Variants in CAMKMT observed in about 807,000 individuals in gnomAD.
The protein encoded by CAMKMT is calmodulin-lysine N-methyltransferase, also known as CaM KMT.
CAMKMT carries 53 observed loss-of-function variants against 48.0 expected under a neutral mutation model. The ratio of observed to expected loss-of-function variants is 1.10; its 90% CI spans 0.89 to 1.39. The LOEUF (loss-of-function observed/expected upper bound fraction) is 1.39, where lower values mean the gene tolerates loss of function less well. Among genes scored for constraint, CAMKMT ranks in the 40% most tolerant of loss-of-function variants. The pLI is 0.00. For synonymous variants in CAMKMT, 165 were observed against 152.3 expected (o/e 1.08, Z -0.61); for missense variants, 428 against 402.7 (o/e 1.06, Z -0.54).
intron 3 of CAMKMT, chr2:44,395,010 A>G (rs1204307349): frequency 2.2e-6 from 1 of 447,340 alleles, no homozygotes; most frequent in South Asian, 1.6e-5. Flanking sequence ...AAGACAATCA[A>G]ATATTTATCT....
chr2:44,670,029 A>G (rs117806827), intron 3 of CAMKMT, among the ~76,000 whole-genome samples: 3 of 152,058 alleles, frequency 2.0e-5, no homozygotes, highest in African/African-American at 4.8e-5. Context: ...TGAAATGCCT[A>G]TTTGTATTTT....
intron 3 of CAMKMT, among the ~76,000 whole-genome samples, chr2:44,568,463 T>A (rs771778938): frequency 1.1e-4 from 17 of 152,274 alleles, no homozygotes; most frequent in Non-Finnish European, 2.2e-4. Flanking sequence ...TCAGCAAACA[T>A]CATGTCCATG....
intron 3 of CAMKMT, among the ~76,000 whole-genome samples, chr2:44,409,833 C>T (rs950322897): frequency 6.6e-6 from 1 of 152,016 alleles, no homozygotes; most frequent in Non-Finnish European, 1.5e-5. Context: ...AGGACTGTGT[C>T]GTTTGTTCAT....
At chr2:44,727,981 G>A (rs1678880468) in intron 7 of CAMKMT, among the ~76,000 whole-genome samples, 1 of 152,184 alleles carries the variant, frequency 6.6e-6, no homozygotes, top group African/African-American at 2.4e-5. Flanking sequence ...GGAGTGCAGT[G>A]GTGTGACCAT....
chr2:44,719,431 A>G (rs1264971190), intron 7 of CAMKMT, among the ~76,000 whole-genome samples: 2 of 152,214 alleles, frequency 1.3e-5, no homozygotes, highest in East Asian at 3.8e-4. Context: ...GTCCTATTCT[A>G]GATGCTAGAG....
chr2:44,745,215 A>G (rs1351239103), intron 8 of CAMKMT, among the ~76,000 whole-genome samples: 1 of 152,204 alleles, frequency 6.6e-6, no homozygotes, highest in Non-Finnish European at 1.5e-5. Flanking sequence ...GGCTCTGATT[A>G]TATGGGGAAG....
chr2:44,514,821 A>G (rs1670755464), intron 3 of CAMKMT, among the ~76,000 whole-genome samples: 1 of 152,224 alleles, frequency 6.6e-6, no homozygotes, highest in South Asian at 2.1e-4. Context: ...TCGTGCCTAG[A>G]TTCTTCCCCA....
intron 3 of CAMKMT, among the ~76,000 whole-genome samples, chr2:44,472,460 A>T (rs1319767383): frequency 1.3e-5 from 2 of 152,226 alleles, no homozygotes; most frequent in African/African-American, 4.8e-5. Context: ...GCTCAATCTA[A>T]TAACTTGTCT....
intron 3 of CAMKMT, among the ~76,000 whole-genome samples, chr2:44,394,230 A>G (rs989066430): frequency 1.3e-5 from 2 of 152,174 alleles, no homozygotes; most frequent in South Asian, 2.1e-4. Context: ...GTTGCAGCTT[A>G]AGTCTGGGGG....
At chr2:44,762,621 G>A (rs1249036925) in intron 9 of CAMKMT, among the ~76,000 whole-genome samples, 3 of 152,116 alleles carry the variant, frequency 2.0e-5, no homozygotes, top group Non-Finnish European at 2.9e-5. Context: ...AAACCTGCAC[G>A]TTGTGCCACA....
At chr2:44,522,294 C>A (rs1478368192) in intron 3 of CAMKMT, among the ~76,000 whole-genome samples, 1 of 152,090 alleles carries the variant, frequency 6.6e-6, no homozygotes, top group Non-Finnish European at 1.5e-5. Flanking sequence ...CATGAGCCAC[C>A]GAGCCCGGCC....
chr2:44,598,419 G>A (rs1349452153), intron 3 of CAMKMT, among the ~76,000 whole-genome samples: 1 of 151,822 alleles, frequency 6.6e-6, no homozygotes, highest in African/African-American at 2.4e-5. Context: ...CAGTTTTCTC[G>A]TGGAATTGGT....
chr2:44,575,867 A>G (rs1020285045), intron 3 of CAMKMT, among the ~76,000 whole-genome samples: 1 of 152,100 alleles, frequency 6.6e-6, no homozygotes, highest in Admixed American at 6.5e-5. Context: ...AAAAAAATTT[A>G]AAAAATTGTT....
intron 7 of CAMKMT, among the ~76,000 whole-genome samples, chr2:44,715,761 G>A (rs1678144657): frequency 6.6e-6 from 1 of 152,128 alleles, no homozygotes. Context: ...GACTTGGTAG[G>A]AGAGCGGGGA....
chr2:44,629,566 G>A (rs1324449076), intron 3 of CAMKMT, among the ~76,000 whole-genome samples: 1 of 151,354 alleles, frequency 6.6e-6, no homozygotes, highest in East Asian at 1.9e-4. Context: ...GACCTCCCAG[G>A]TAGCGGGGAC....
chr2:44,382,464 C>CT (rs1463119754), intron 2 of CAMKMT, among the ~76,000 whole-genome samples: 3 of 150,440 alleles, frequency 2.0e-5, no homozygotes, highest in Non-Finnish European at 4.4e-5. Context: ...TTGCAAATAA[C>CT]TTTTTTCTTT....
intron 3 of CAMKMT, among the ~76,000 whole-genome samples, chr2:44,671,128 A>G (rs1348231984): frequency 7.2e-5 from 11 of 152,184 alleles, no homozygotes; most frequent in Non-Finnish European, 5.9e-5. Context: ...CTTTAGGAGT[A>G]TAAGTGTGCT....
At chr2:44,438,140 A>T (rs1290224843) in intron 3 of CAMKMT, among the ~76,000 whole-genome samples, 1 of 152,202 alleles carries the variant, frequency 6.6e-6, no homozygotes, top group Non-Finnish European at 1.5e-5. Context: ...TAACTAGATC[A>T]AGGTCACTCA....
intron 3 of CAMKMT, among the ~76,000 whole-genome samples, chr2:44,438,912 C>G (rs956345783): frequency 6.6e-6 from 1 of 152,142 alleles, no homozygotes; most frequent in Non-Finnish European, 1.5e-5. Flanking sequence ...AAAATGGACA[C>G]GGCATCCCCT....
Sources: allele counts gnomAD v4.1 joint callset (sites outside exome capture counted in the v4.1 genomes callset), GRCh38; gene constraint gnomAD v4.1.1; transcripts MANE v1.5; gene names NCBI Gene and HGNC (gene_info 2026-07-23, HGNC 2026-07-21).